WASL: variants seen among roughly 807,000 people sequenced by gnomAD.
WASL encodes actin nucleation-promoting factor WASL.
A neutral mutation model predicts 55.5 loss-of-function variants in WASL; 20 were observed. The ratio of observed to expected loss-of-function variants is 0.36; its 90% CI spans 0.25 to 0.52. The LOEUF (loss-of-function observed/expected upper bound fraction) is 0.52. Among genes scored for constraint, WASL ranks in the 20% least tolerant of loss-of-function variants. WASL has a pLI of 0.92. For synonymous variants in WASL, 249 were observed against 217.6 expected (o/e 1.14, Z -1.27); for missense variants, 504 against 622.5 (o/e 0.81, Z 2.03).
chr7:123,686,623 T>A (rs541144396), intron 10 of WASL, among the ~76,000 whole-genome samples: 1 of 152,154 alleles, frequency 6.6e-6, no homozygotes, highest in South Asian at 2.1e-4. Flanking sequence ...AACTCACAGA[T>A]ACCAGCATAG....
intron 4 of WASL, 68 bp from the exon 5 acceptor site, chr7:123,704,725 A>G: frequency 9.2e-7 from 1 of 1,089,446 alleles, no homozygotes; most frequent in African/African-American, 1.6e-5. Context: ...AAAAAAATTA[A>G]TTCACTAAAC....
At position 123,696,685 on chromosome 7, in the gene WASL, A is replaced by C; in HGVS notation, c.523T>G (p.Tyr175Asp). ...GAGATGTTGTTGACTTGTGGACCAT[A>C]AAATCTATTTGTTGTGATTTCTGGA... ...KNPEITTNRFYGPQVNNISHT... is the reference protein window; with the variant it reads ...KNPEITTNRFDGPQVNNISHT... Residue 175 changes from tyrosine (Y) to aspartate (D), a missense_variant, in exon 6 of 11, where the codon TAT becomes GAT. Around this residue, in one of 5 missense-constraint regions of WASL, gnomAD observed 230 missense variants for 271.9 expected, o/e 0.85. Transcript: ENST00000223023. 6.2e-7 allele frequency: 1 copy of C among 1,603,370 alleles called. No homozygotes were observed. The highest frequency in any genetic ancestry group is 8.5e-7 in the Non-Finnish European group (1 of 1,174,622).
Position 123,696,702 on chromosome 7 carries a change from A to G in WASL, c.506T>C (p.Ile169Thr). ...TGGACCATAAAATCTATTTGTTGTGATTTCTGGATTTTTTATATCAACTGT... is the reference window on the plus strand; with the variant it reads ...TGGACCATAAAATCTATTTGTTGTGGTTTCTGGATTTTTTATATCAACTGT... ...MATVDIKNPEITTNRFYGPQV... is the reference protein window; with the variant it reads ...MATVDIKNPETTTNRFYGPQV... The change falls in exon 6 of 11, where the codon ATC (isoleucine) becomes ACC (threonine). Residue 169 changes from isoleucine (I) to threonine (T), a missense_variant. Around this residue, in one of 5 missense-constraint regions of WASL, gnomAD observed 230 missense variants for 271.9 expected, o/e 0.85. Coordinates refer to ENST00000223023, the MANE Select transcript of WASL (RefSeq NM_003941.4). 2 of 1,598,168 alleles carry G rather than the reference A, an allele frequency of 1.3e-6. No individual in the cohort carries two copies. The highest frequency in any genetic ancestry group is 1.1e-5 in the South Asian group (1 of 87,768).
At chr7:123,748,506 G>A (rs1804481130) in intron 1 of WASL, 112 bp downstream of exon 1, 2 of 1,119,918 alleles carry the variant, frequency 1.8e-6, no homozygotes, top group Admixed American at 4.7e-5. Flanking sequence ...GGGGCTGGCG[G>A]GAGGCCTGGC....
At chr7:123,741,297 G>A (rs1804338388) in intron 1 of WASL, among the ~76,000 whole-genome samples, 1 of 152,072 alleles carries the variant, frequency 6.6e-6, no homozygotes, top group Non-Finnish European at 1.5e-5. Context: ...TCTTTATTTA[G>A]AAGTTTGGTG....
chr7:123,712,510 G>A (rs1346643403), intron 1 of WASL, among the ~76,000 whole-genome samples: 1 of 152,064 alleles, frequency 6.6e-6, no homozygotes, highest in Non-Finnish European at 1.5e-5. Flanking sequence ...TAACATGCAT[G>A]TATACATATA....
intron 1 of WASL, among the ~76,000 whole-genome samples, chr7:123,710,244 G>C (rs1267487122): frequency 6.6e-6 from 1 of 150,650 alleles, no homozygotes. Flanking sequence ...TAGAAATTAA[G>C]AAAATCATTT....
intron 2 of WASL, among the ~76,000 whole-genome samples, 167 bp downstream of exon 2, chr7:123,708,922 G>T (rs963876185): frequency 6.6e-6 from 1 of 151,470 alleles, no homozygotes; most frequent in Admixed American, 6.6e-5. Flanking sequence ...GTTCCCATTT[G>T]GTCATGATTT....
rs1803498395 is a variant in WASL, at chr7:123,696,696, G to C, written c.512C>G (p.Thr171Arg). ...TVDIKNPEIT[T>R]NRFYGPQVNN... ...GACTTGTGGACCATAAAATCTATTT[G>C]TTGTGATTTCTGGATTTTTTATATC... Residue 171 changes from threonine (T) to arginine (R), a missense_variant, in exon 6 of 11, where the codon ACA (threonine) becomes AGA (arginine). By Grantham distance (71) the Thr-to-Arg change is moderately conservative. Coordinates refer to ENST00000223023, the MANE Select transcript of WASL (RefSeq NM_003941.4). The C allele has an allele frequency of 6.3e-7, 1 of 1,599,516 alleles. No homozygotes were observed. Among genetic ancestry groups the C allele is most frequent in the Non-Finnish European group, 8.5e-7 (1 of 1,172,938 alleles).
intron 1 of WASL, among the ~76,000 whole-genome samples, chr7:123,738,476 A>G (rs1341166144): frequency 6.6e-6 from 1 of 152,194 alleles, no homozygotes; most frequent in Non-Finnish European, 1.5e-5. Flanking sequence ...AATCAACACT[A>G]GAGTCCAAAG....
chr7:123,709,480 T>A (rs1370602342), intron 1 of WASL, among the ~76,000 whole-genome samples: 1 of 152,208 alleles, frequency 6.6e-6, no homozygotes, highest in East Asian at 1.9e-4. Flanking sequence ...TTAAAATGTG[T>A]TAGGAAATGT....
chr7:123,704,626 A>G lies in WASL; in HGVS notation c.460+8T>C, dbSNP rs761880820. ...TCTTAAAAGATTAATAATTGTCAAA[A>G]AGCTTACCATTTGGGGGATCTCGTC... On this transcript the variant is annotated splice_region_variant and intron_variant, in intron 5 of 10. Transcript: ENST00000223023. 2 of 1,513,440 alleles carry G rather than the reference A, an allele frequency of 1.3e-6. No homozygotes were observed. Among genetic ancestry groups the G allele is most frequent in the Non-Finnish European group, 1.8e-6 (2 of 1,107,422 alleles). 93.8% of individuals were successfully genotyped at this position (1,513,440 alleles called of 1,614,324 possible). A position where few individuals can be genotyped will look rare whatever the true frequency, so the allele number is the denominator to read the frequency against.
chr7:123,699,450 T>C (rs895870932), intron 5 of WASL, among the ~76,000 whole-genome samples: 6 of 152,254 alleles, frequency 3.9e-5, no homozygotes, highest in East Asian at 1.9e-4. Flanking sequence ...AGTATTCAAA[T>C]AGCAACTATA....
At chr7:123,733,354 T>A (rs1341890525) in intron 1 of WASL, among the ~76,000 whole-genome samples, 2 of 152,190 alleles carry the variant, frequency 1.3e-5, no homozygotes, top group African/African-American at 4.8e-5. Flanking sequence ...ACTGCTTTCC[T>A]GTGTACCAGG....
chr7:123,708,662 T>C (rs983925094), intron 2 of WASL, among the ~76,000 whole-genome samples: 3 of 152,252 alleles, frequency 2.0e-5, no homozygotes, highest in South Asian at 4.1e-4. Flanking sequence ...TTATAGATAT[T>C]GAAATGTTTT....
intron 1 of WASL, among the ~76,000 whole-genome samples, chr7:123,712,094 T>C (rs1043054740): frequency 6.6e-6 from 1 of 152,176 alleles, no homozygotes. Flanking sequence ...TCTGCACCAG[T>C]TGAGAAGTAT....
chr7:123,685,857 C>A (rs1416373210), intron 10 of WASL, among the ~76,000 whole-genome samples: 3 of 143,604 alleles, frequency 2.1e-5, no homozygotes, highest in East Asian at 2.0e-4. Context: ...AATACATATA[C>A]CTATATATAA....
In WASL at chr7:123,692,723, G is replaced by T; in HGVS notation, c.971C>A (p.Pro324Gln). The T allele has an allele frequency of 6.6e-7, 1 of 1,516,938 alleles. No homozygotes were observed. Among genetic ancestry groups the T allele is most frequent in the Non-Finnish European group, 8.8e-7 (1 of 1,135,120 alleles). 94.0% of individuals were successfully genotyped at this position (1,516,938 alleles called of 1,614,324 possible). ...PSRAPTAAPP[P>Q]PPPSRPSVAV... Reference sequence around the variant, plus strand: ...TACACTTGGCCTGGAAGGAGGCGGTGGTGGAGGTGCAGCTGTGGGAGCTCT... The same window carrying T: ...TACACTTGGCCTGGAAGGAGGCGGTTGTGGAGGTGCAGCTGTGGGAGCTCT... The change falls in exon 9 of 11, where the codon CCA becomes CAA. Residue 324 changes from proline to glutamine, a missense_variant. Pro to Gln is a moderately conservative substitution (Grantham distance 76). This residue lies in a region of WASL where 201 missense variants were observed against 206.2 expected (regional missense o/e 0.97). Coordinates refer to ENST00000223023, the MANE Select transcript of WASL (RefSeq NM_003941.4).
At chr7:123,720,072 TG>T (rs1803915089) in intron 1 of WASL, among the ~76,000 whole-genome samples, 1 of 152,188 alleles carries the variant, frequency 6.6e-6, no homozygotes, top group East Asian at 1.9e-4. Context: ...ACAAAATATA[TG>T]GTTACCCCCA....
Sources: gnomAD v4.1 joint callset for allele counts (sites outside exome capture counted in the v4.1 genomes callset) on GRCh38, gnomAD v4.1.1 for gene constraint, gnomAD v4.1.1 regional missense constraint, MANE v1.5 for transcripts, NCBI Gene and HGNC (gene_info 2026-07-23, HGNC 2026-07-21) for gene names.